The following TMEM132D variants were observed in gnomAD, a reference collection of about 807,000 sequenced individuals.
The protein encoded by TMEM132D is transmembrane protein 132D, also known as mature OL transmembrane protein.
Under a neutral mutation model 62.3 loss-of-function variants are expected in TMEM132D, and 21 were observed. The observed-to-expected ratio is 0.34, with a 90% CI of 0.24 to 0.49. The LOEUF is 0.49. Ranked by LOEUF, TMEM132D falls within the 20% of genes least tolerant of loss-of-function variation. The probability of loss-of-function intolerance (pLI) is 0.99; values close to 1 mark genes in which losing one functional copy is unlikely to be tolerated. For synonymous variants in TMEM132D, 621 were observed against 575.6 expected, an observed-to-expected ratio of 1.08 and a Z score of -1.13; for missense variants, 1,346 against 1,402.8, an observed-to-expected ratio of 0.96 and a Z score of 0.65.
Position 129,491,282 on chromosome 12 carries a change from C to T in TMEM132D, c.1115+39777G>A, listed in dbSNP as rs1874788230. On this transcript the variant is annotated intron_variant, in intron 3 of 8. Coordinates refer to ENST00000422113, the MANE Select transcript of TMEM132D (RefSeq NM_133448.3). ...CAGTATGCACAGTTCCATAAAAAGC[C>T]CACGGCAACAAACAACAACAGGACC... Among the ~76,000 whole-genome samples, 3 of 152,154 alleles carry T rather than the reference C, an allele frequency of 2.0e-5. No homozygotes were observed. In the South Asian group the frequency reaches 6.2e-4, roughly 32 times the overall value.
chr12:129,239,243 C>A (rs1337357697), intron 4 of TMEM132D, among the ~76,000 whole-genome samples: 2 of 152,164 alleles, frequency 1.3e-5, no homozygotes, highest in Non-Finnish European at 2.9e-5. Flanking sequence ...GACATTAACA[C>A]TATAATGGTT....
At chr12:129,340,056 T>A (rs745896859) in intron 3 of TMEM132D, among the ~76,000 whole-genome samples, 44 of 152,192 alleles carry the variant, frequency 2.9e-4, no homozygotes, top group Non-Finnish European at 6.0e-4. Flanking sequence ...CATCTCTTCA[T>A]ATATGTAAGT....
intron 1 of TMEM132D, among the ~76,000 whole-genome samples, chr12:129,818,517 C>T (rs995011515): frequency 6.9e-6 from 1 of 145,682 alleles, no homozygotes; most frequent in African/African-American, 2.6e-5. Flanking sequence ...ATGTGCGCAT[C>T]TGTGTGTATG....
At chr12:129,687,064 T>C (rs1880946417) in intron 2 of TMEM132D, among the ~76,000 whole-genome samples, 2 of 152,206 alleles carry the variant, frequency 1.3e-5, no homozygotes, top group South Asian at 2.1e-4. Context: ...TGTGTTTATC[T>C]CAAATTCCTT....
At chr12:129,257,748 G>A (rs974835562) in intron 4 of TMEM132D, among the ~76,000 whole-genome samples, 2 of 152,128 alleles carry the variant, frequency 1.3e-5, no homozygotes, top group African/African-American at 4.8e-5. Flanking sequence ...AAATGCCACT[G>A]CAGTGAATGT....
At chr12:129,773,236 A>G (rs1350313450) in intron 1 of TMEM132D, among the ~76,000 whole-genome samples, 1 of 152,238 alleles carries the variant, frequency 6.6e-6, no homozygotes, top group African/African-American at 2.4e-5. Flanking sequence ...CCTGTATGCT[A>G]TGCAAACTTC....
rs181742798 is a variant in TMEM132D, at chr12:129,147,875, G to T, written c.1443+61645C>A. 6.1e-3 allele frequency among the ~76,000 whole-genome samples: 933 copies of T among 152,258 alleles called. 17 individuals are homozygous for T. Among genetic ancestry groups the T allele is most frequent in the Admixed American group, 0.037 (567 of 15,300 alleles). On this transcript the variant is annotated intron_variant, in intron 5 of 8. Transcript: ENST00000422113. ...ACCAGATTTCCTATTCCCCACCTTGGGTTTAGCATGAACTGACGAATCTGG... is the reference window on the plus strand; with the variant it reads ...ACCAGATTTCCTATTCCCCACCTTGTGTTTAGCATGAACTGACGAATCTGG...
At chr12:129,589,362 G>A (rs1388669415) in intron 2 of TMEM132D, among the ~76,000 whole-genome samples, 2 of 152,112 alleles carry the variant, frequency 1.3e-5, no homozygotes, top group African/African-American at 4.8e-5. Context: ...ACGTGGAACT[G>A]TGGGTCCATT....
intron 1 of TMEM132D, among the ~76,000 whole-genome samples, chr12:129,888,156 A>G (rs1874803918): frequency 6.6e-6 from 1 of 152,248 alleles, no homozygotes; most frequent in Non-Finnish European, 1.5e-5. Context: ...AACAGCACAT[A>G]ATGCAAATAT....
chr12:129,655,950 T>C (rs912374827), intron 2 of TMEM132D, among the ~76,000 whole-genome samples: 12 of 152,126 alleles, frequency 7.9e-5, no homozygotes, highest in Admixed American at 6.5e-4. Context: ...TGACCAAACT[T>C]CTCTTTCGGT....
At chr12:129,799,419 GTATATATGTGTATATATGTA>G (rs1565989754) in intron 1 of TMEM132D, among the ~76,000 whole-genome samples, 10 of 834 alleles carry the variant, frequency 0.012, no homozygotes, top group Admixed American at 0.052. Flanking sequence ...ATATATATGT[GTATATATGTGTATATATGTA>G]TATATATACA....
chr12:129,682,875 A>AG (rs1880818813), intron 2 of TMEM132D: 1 of 150,978 alleles, frequency 6.6e-6, no homozygotes, highest in Admixed American at 6.6e-5. Context: ...AAAAAAAAAA[A>AG]AAAAAAAGAG....
At chr12:129,649,876 A>C (rs541607930) in intron 2 of TMEM132D, among the ~76,000 whole-genome samples, 2 of 149,450 alleles carry the variant, frequency 1.3e-5, no homozygotes, top group Non-Finnish European at 1.5e-5. Flanking sequence ...ATGTGTGTGC[A>C]TGTGTGTATA....
chr12:129,384,759 C>T (rs1871057173), intron 3 of TMEM132D, among the ~76,000 whole-genome samples: 1 of 152,202 alleles, frequency 6.6e-6, no homozygotes, highest in South Asian at 2.1e-4. Flanking sequence ...GATGCGTTCA[C>T]ACGTACGCGA....
At chr12:129,423,767 G>C (rs1872398110) in intron 3 of TMEM132D, among the ~76,000 whole-genome samples, 1 of 152,098 alleles carries the variant, frequency 6.6e-6, no homozygotes. Flanking sequence ...CATTGACTCG[G>C]ACTAGAAATA....
intron 4 of TMEM132D, among the ~76,000 whole-genome samples, chr12:129,264,662 C>G (rs1161160800): frequency 6.6e-6 from 1 of 152,120 alleles, no homozygotes; most frequent in Admixed American, 6.5e-5. Flanking sequence ...ATCGTGGAAC[C>G]AACCCAAATG....
At position 129,094,051 on chromosome 12, in the gene TMEM132D, A is replaced by C. The variant is rs537395076; in HGVS notation, c.1444-9349T>G. On this transcript the variant is annotated intron_variant, in intron 5 of 8. Coordinates refer to ENST00000422113, the MANE Select transcript of TMEM132D (RefSeq NM_133448.3). The stretch of plus-strand genomic sequence containing the variant: ...TAATTCAAGATGGATTAAAGACTTA[A>C]ATGTTAGACCTAAAACCATAAAAAC... 1.3e-3 allele frequency among the ~76,000 whole-genome samples: 194 copies of C among 151,912 alleles called. 1 individual carries two copies. The highest frequency in any genetic ancestry group is 2.3e-3 in the African/African-American group (94 of 41,244).
At chr12:129,719,679 A>G (rs937028662) in intron 1 of TMEM132D, among the ~76,000 whole-genome samples, 2 of 152,230 alleles carry the variant, frequency 1.3e-5, no homozygotes, top group African/African-American at 4.8e-5. Context: ...GAGTCAGTAA[A>G]TTAGTTATTC....
intron 4 of TMEM132D, among the ~76,000 whole-genome samples, chr12:129,255,816 G>A (rs1217722889): frequency 6.6e-6 from 1 of 152,196 alleles, no homozygotes; most frequent in Non-Finnish European, 1.5e-5. Context: ...CAGAGGAAGA[G>A]GGTTCTCTTT....
Sources: gnomAD v4.1 joint callset for allele counts (sites outside exome capture counted in the v4.1 genomes callset) on GRCh38, gnomAD v4.1.1 for gene constraint, MANE v1.5 for transcripts, NCBI Gene and HGNC (gene_info 2026-07-23, HGNC 2026-07-21) for gene names.